Variants in NEB observed in about 807,000 individuals in gnomAD.
NEB encodes nebulin.
NEB carries 512 observed loss-of-function variants against 952.2 expected under a neutral mutation model. The observed-to-expected ratio is 0.54, with a 90% CI of 0.50 to 0.58. NEB has a LOEUF of 0.58. Among genes scored for constraint, NEB ranks in the 20% least tolerant of loss-of-function variants. NEB has a pLI of 0.00. For missense variants in NEB, 8,428 were observed against 9,231.1 expected (o/e 0.91, Z 3.56); for synonymous variants, 2,900 against 3,149.8 (o/e 0.92, Z 2.66).
At chr2:151,577,255 C>T (rs1304016527) in intron 105 of NEB, among the ~76,000 whole-genome samples, 3 of 152,142 alleles carry the variant, frequency 2.0e-5, no homozygotes, top group Admixed American at 2.0e-4. Flanking sequence ...GGTCTGGCAC[C>T]AGTCCCCACC....
intron 48 of NEB, 129 bp from the exon 49 acceptor site, chr2:151,656,593 A>T: frequency 2.3e-6 from 1 of 426,266 alleles, no homozygotes; most frequent in Non-Finnish European, 3.5e-6. Flanking sequence ...ATAGAGCTCT[A>T]TAGTTCACAG....
At chr2:151,690,880 C>T (rs541558723) in intron 23 of NEB, 55 bp from the exon 24 acceptor site, 862 of 1,295,562 alleles carry the variant, frequency 6.7e-4, no homozygotes, top group Non-Finnish European at 9.0e-4. Context: ...GTTATACATG[C>T]GCTAACATAA....
chr2:151,513,660 T>C lies in NEB; in HGVS notation c.23161A>G (p.Lys7721Glu), dbSNP rs1203157162. 2.5e-6 allele frequency: 4 copies of C among 1,608,252 alleles called. No individual in the cohort carries two copies. The highest frequency in any genetic ancestry group is 1.3e-5 in the African/African-American group (1 of 75,024). ...EYKRDLELEV[K>E]GRGLNAMANE... ...GCCATGGCATTCAGGCCTCTTCCTT[T>C]GACTTCCAGTTCCAGGTCTCGCTTA... is the stretch of plus-strand genomic sequence containing the variant. Residue 7721 changes from lysine (K) to glutamate (E), a missense_variant, in exon 160 of 182, where the codon AAA (lysine) becomes GAA (glutamate). Lys to Glu is a moderately conservative substitution (Grantham distance 56, BLOSUM62 1). Around this residue, in one of 11 missense-constraint regions of NEB, gnomAD observed 3,374 missense variants for 3,651.5 expected, o/e 0.92. Coordinates refer to ENST00000397345, the MANE Select transcript of NEB (RefSeq NM_001164508.2).
At chr2:151,498,631 A>AAT (rs59037518) in intron 169 of NEB, among the ~76,000 whole-genome samples, 1 of 152,318 alleles carries the variant, frequency 6.6e-6, no homozygotes, top group African/African-American at 2.4e-5. Flanking sequence ...GTGAAAGAGC[A>AAT]ATTAGTCTTT....
intron 34 of NEB, among the ~76,000 whole-genome samples, chr2:151,675,769 T>C (rs1174605057): frequency 7.2e-6 from 1 of 139,304 alleles, no homozygotes; most frequent in South Asian, 2.2e-4. Flanking sequence ...AGAGAGAAAG[T>C]AGTAGTTAGA....
chr2:151,609,215 G>GA (rs1296935126), intron 81 of NEB, among the ~76,000 whole-genome samples: 8 of 151,786 alleles, frequency 5.3e-5, no homozygotes, highest in East Asian at 1.9e-4. Flanking sequence ...AAAAAAAAAG[G>GA]AAAAACATTT....
At position 151,576,242 on chromosome 2, in the gene NEB, T is replaced by C. The variant is rs372049328; in HGVS notation, c.16817A>G (p.Tyr5606Cys). 8.9e-5 allele frequency: 143 copies of C among 1,611,572 alleles called. No homozygotes were observed. The highest frequency in any genetic ancestry group is 3.3e-4 in the South Asian group (30 of 90,932). The change falls in exon 106 of 182, where the codon TAT becomes TGT. Residue 5606 changes from tyrosine to cysteine, a missense_variant. By Grantham distance (194) the Tyr-to-Cys change is radical (BLOSUM62 -2). Around this residue, in one of 11 missense-constraint regions of NEB, gnomAD observed 3,374 missense variants for 3,651.5 expected, o/e 0.92. Coordinates refer to ENST00000397345, the MANE Select transcript of NEB (RefSeq NM_001164508.2). ...CTTAAGGTTCACCACAGGCGTCCGA[T>C]AGACACTGTCACAAAAGATATTCTG... ...NAQNIFCDSVYRTPVVNLKYT... is the reference protein window; with the variant it reads ...NAQNIFCDSVCRTPVVNLKYT...
intron 16 of NEB, 51 bp downstream of exon 16, chr2:151,697,097 A>T: frequency 7.4e-7 from 1 of 1,356,530 alleles, no homozygotes; most frequent in Non-Finnish European, 1.0e-6. Flanking sequence ...TATCCTGACC[A>T]CTAGATGCTA....
chr2:151,668,971 A>C (rs947712030), intron 39 of NEB, 56 bp downstream of exon 39: 17 of 1,306,628 alleles, frequency 1.3e-5, no homozygotes, highest in Non-Finnish European at 1.7e-5. Context: ...AGAGTTGCAA[A>C]GAACCAGAAA....
intron 75 of NEB, among the ~76,000 whole-genome samples, chr2:151,616,631 T>C (rs1169760251): frequency 6.6e-6 from 1 of 152,086 alleles, no homozygotes; most frequent in Admixed American, 6.6e-5. Context: ...GAGGCGGAGG[T>C]TGCAGTGAAC....
At chr2:151,627,502 C>G in intron 69 of NEB, 21 bp downstream of exon 69, 1 of 1,610,726 alleles carries the variant, frequency 6.2e-7, no homozygotes, top group Non-Finnish European at 8.5e-7. Flanking sequence ...AGCACAGTTA[C>G]CATGGATCTT....
chr2:151,698,660 T>G (rs2099617715), intron 13 of NEB, among the ~76,000 whole-genome samples: 1 of 145,078 alleles, frequency 6.9e-6, no homozygotes, highest in East Asian at 2.0e-4. Flanking sequence ...TTTTTTGAGA[T>G]GGAGTCTCCC....
rs771456668 is a variant in NEB at position 151,633,704 on chromosome 2, C to T, written c.9364G>A (p.Asp3122Asn). The change falls in exon 65 of 182, where the codon GAC (aspartate) becomes AAC (asparagine). Residue 3122 changes from aspartate to asparagine, a missense_variant. Around this residue, in one of 11 missense-constraint regions of NEB, gnomAD observed 1,772 missense variants for 1,960.3 expected, o/e 0.90. Coordinates refer to ENST00000397345, the MANE Select transcript of NEB (RefSeq NM_001164508.2). ...CGAGCATGGATGACATCGCTCTGGTCAGGCAGGCATGTCCACTCGTGCAGG... is the reference window on the plus strand; with the variant it reads ...CGAGCATGGATGACATCGCTCTGGTTAGGCAGGCATGTCCACTCGTGCAGG... ...NYLHEWTCLP[D>N]QSDVIHARQA... The T allele has an allele frequency of 8.1e-6, 13 of 1,613,946 alleles. No individual in the cohort carries two copies. Among genetic ancestry groups the T allele is most frequent in the Non-Finnish European group, 1.1e-5 (13 of 1,179,854 alleles).
At chr2:151,546,281 G>A (rs2094669469) in intron 134 of NEB, 64 bp downstream of exon 134, 7 of 1,288,348 alleles carry the variant, frequency 5.4e-6, no homozygotes, top group Non-Finnish European at 7.7e-6. Flanking sequence ...TAGCCCTGGA[G>A]GCTGGTGATG....
At chr2:151,558,411 A>G (rs1428307839) in intron 124 of NEB, among the ~76,000 whole-genome samples, 3 of 152,198 alleles carry the variant, frequency 2.0e-5, no homozygotes, top group Non-Finnish European at 2.9e-5. Context: ...GGATAGGAAG[A>G]CTCAATATCG....
intron 176 of NEB, 114 bp downstream of exon 176, chr2:151,493,239 T>C: frequency 2.4e-6 from 2 of 836,736 alleles, no homozygotes; most frequent in Admixed American, 2.6e-5. Context: ...GTTGCATTTT[T>C]CTCTTTTAAA....
rs1351747266 is a variant in NEB at position 151,639,943 on chromosome 2, G to A, written c.8803C>T (p.Gln2935Ter). The change falls in exon 62 of 182, where the codon CAG becomes TAG. Residue 2935 changes from glutamine to a stop codon, truncating the protein, a stop_gained. Transcript: ENST00000397345. LOFTEE classifies it high-confidence loss of function. ...TEILSDKIYR[Q>*]PPDRFKFTSV... ...GTAAATTTGAATCTGTCTGGAGGCTGGCGATAGATTTTATCACTCAAAATT... is the reference window on the plus strand; with the variant it reads ...GTAAATTTGAATCTGTCTGGAGGCTAGCGATAGATTTTATCACTCAAAATT... 1.2e-6 allele frequency: 2 copies of A among 1,613,976 alleles called. No individual in the cohort carries two copies. The highest frequency in any genetic ancestry group is 8.5e-7 in the Non-Finnish European group (1 of 1,179,874).
intron 142 of NEB, 64 bp from the exon 143 acceptor site, chr2:151,533,610 T>G (rs981649762): frequency 2.0e-6 from 2 of 1,022,850 alleles, no homozygotes; most frequent in African/African-American, 3.2e-5. Context: ...AACACGGCTC[T>G]ATATCCCAAT....
chr2:151,534,899 C>T (rs998878435), intron 142 of NEB, among the ~76,000 whole-genome samples: 1 of 152,078 alleles, frequency 6.6e-6, no homozygotes, highest in African/African-American at 2.4e-5. Flanking sequence ...AATGTAAAGA[C>T]AACAAACAAA....
Sources: allele counts gnomAD v4.1 joint callset (sites outside exome capture counted in the v4.1 genomes callset), GRCh38; gene constraint gnomAD v4.1.1; regional missense constraint gnomAD v4.1.1; transcripts MANE v1.5; gene names NCBI Gene and HGNC (gene_info 2026-07-23, HGNC 2026-07-21).